Variants in SLC6A7 observed in about 807,000 individuals in gnomAD.
SLC6A7 encodes the protein solute carrier family 6 member 7.
Under a neutral mutation model 73.1 loss-of-function variants are expected in SLC6A7, and 58 were observed. That is an observed-to-expected ratio of 0.79 (90% confidence interval 0.64 to 0.99). The LOEUF is 0.99. Among genes scored for constraint, SLC6A7 ranks in the 50% least tolerant of loss-of-function variants. The probability of loss-of-function intolerance (pLI) is 0.00; values close to 1 mark genes in which losing one functional copy is unlikely to be tolerated. For synonymous variants in SLC6A7, 338 were observed against 338.7 expected (o/e 1.00, Z 0.02); for missense variants, 783 against 831.4 (o/e 0.94, Z 0.72).
chr5:150,201,336 T>C (rs1753373266), intron 6 of SLC6A7, 113 bp downstream of exon 6: 1 of 572,892 alleles, frequency 1.7e-6, no homozygotes, highest in East Asian at 3.4e-5. Context: ...CCTTCTTGCG[T>C]CTTTTTTATT....
rs1469620835 is a variant in SLC6A7, at chr5:150,190,225, G to T, written c.-103G>T. 5.0e-6 allele frequency: 5 copies of T among 1,006,726 alleles called. No individual in the cohort carries two copies. The highest frequency in any genetic ancestry group is 2.8e-6 in the Non-Finnish European group (2 of 705,278). 62.4% of individuals were successfully genotyped at this position (1,006,726 alleles called of 1,614,324 possible). ...CGTCCGTGCCCGCCCCAGCCGGTGCGCGGGAGCCGCGGGGGCAAAGGCGCA... is the reference window on the plus strand; with the variant it reads ...CGTCCGTGCCCGCCCCAGCCGGTGCTCGGGAGCCGCGGGGGCAAAGGCGCA... On this transcript the variant is annotated 5_prime_UTR_variant, in exon 1 of 14. Coordinates refer to ENST00000230671, the MANE Select transcript of SLC6A7 (RefSeq NM_014228.5).
intron 13 of SLC6A7, among the ~76,000 whole-genome samples, chr5:150,206,067 TA>T (rs1477336904): frequency 6.6e-6 from 1 of 152,136 alleles, no homozygotes; most frequent in African/African-American, 2.4e-5. Flanking sequence ...TGCCCACGCC[TA>T]GGGTTTTGGG....
At chr5:150,196,226 C>G (rs1157610103) in intron 2 of SLC6A7, among the ~76,000 whole-genome samples, 2 of 152,144 alleles carry the variant, frequency 1.3e-5, no homozygotes, top group African/African-American at 2.4e-5. Flanking sequence ...GGCAGCCCTT[C>G]CAGAGTCATA....
chr5:150,197,717 A>C (rs1431366665), intron 4 of SLC6A7, among the ~76,000 whole-genome samples: 2 of 152,204 alleles, frequency 1.3e-5, no homozygotes, highest in Non-Finnish European at 2.9e-5. Flanking sequence ...TTATCCAGTT[A>C]GTCATTTACC....
intron 1 of SLC6A7, among the ~76,000 whole-genome samples, chr5:150,193,928 G>C (rs1752896278): frequency 6.6e-6 from 1 of 152,210 alleles, no homozygotes; most frequent in African/African-American, 2.4e-5. Flanking sequence ...CCTCGGGTAT[G>C]TCATGACACC....
intron 4 of SLC6A7, among the ~76,000 whole-genome samples, 167 bp downstream of exon 4, chr5:150,197,443 G>C (rs773655788): frequency 2.6e-5 from 4 of 152,220 alleles, no homozygotes; most frequent in Non-Finnish European, 5.9e-5. Context: ...CAGCTGTGTG[G>C]CCTCAAACAA....
intron 13 of SLC6A7, among the ~76,000 whole-genome samples, chr5:150,208,784 C>T (rs1753818817): frequency 6.6e-6 from 1 of 152,158 alleles, no homozygotes; most frequent in African/African-American, 2.4e-5. Context: ...TCTGGAATCT[C>T]CAGGCTTAGT....
In SLC6A7 at chr5:150,196,814, C is replaced by G; in HGVS notation, c.316C>G (p.Leu106Val). Residue 106 changes from leucine (L) to valine (V), a missense_variant, in exon 3 of 14, where the codon CTG (leucine) becomes GTG (valine). Physicochemically the swap from Leu to Val is conservative, Grantham distance 32 (BLOSUM62 1). Coordinates refer to ENST00000230671, the MANE Select transcript of SLC6A7 (RefSeq NM_014228.5). Reference sequence around the variant, plus strand: ...GGGCCAGTTCTCCAGCCTAGGGCCCCTGGCTGTCTGGAAAATCAGCCCTCT... The same window carrying G: ...GGGCCAGTTCTCCAGCCTAGGGCCCGTGGCTGTCTGGAAAATCAGCCCTCT... ...SLGQFSSLGPLAVWKISPLFK... is the reference protein window; with the variant it reads ...SLGQFSSLGPVAVWKISPLFK... 1 of 1,614,068 alleles carries G rather than the reference C, an allele frequency of 6.2e-7. No homozygotes were observed. The highest frequency in any genetic ancestry group is 8.5e-7 in the Non-Finnish European group (1 of 1,179,946).
In SLC6A7 at chr5:150,202,382, C is replaced by T; in HGVS notation, c.894C>T (p.Ser298=). ...WIEAALQIFY[S]LGVGFGGLLT... ...AAGCTGCTCTTCAGATCTTCTATTC[C>T]CTGGGTGTGGGCTTCGGGGGGCTCC... Residue 298 remains serine, a synonymous_variant, in exon 7 of 14, where the codon TCC becomes TCT. Coordinates refer to ENST00000230671, the MANE Select transcript of SLC6A7 (RefSeq NM_014228.5). 1.9e-6 allele frequency: 3 copies of T among 1,614,134 alleles called. No homozygotes were observed. Among genetic ancestry groups the T allele is most frequent in the Non-Finnish European group, 1.7e-6 (2 of 1,179,988 alleles).
chr5:150,200,971 C>G, intron 5 of SLC6A7, 118 bp from the exon 6 acceptor site: 1 of 1,007,914 alleles, frequency 9.9e-7, no homozygotes, highest in South Asian at 1.4e-5. Context: ...GGATGAAGGC[C>G]GGTTCCTGGC....
Position 150,194,807 on chromosome 5 carries a change from G to A in SLC6A7, c.113G>A (p.Gly38Glu), listed in dbSNP as rs1353608768. The A allele has an allele frequency of 1.2e-6, 2 of 1,614,154 alleles. No homozygotes were observed. The highest frequency in any genetic ancestry group is 2.2e-5 in the South Asian group (2 of 91,082). Residue 38 changes from glycine to glutamate, a missense_variant, in exon 2 of 14, where the codon GGG (glycine) becomes GAG (glutamate). Gly to Glu is a moderately conservative substitution (Grantham distance 98, BLOSUM62 -2). Transcript: ENST00000230671. Reference protein sequence around the residue: ...DLDVDFAAHRGNWTGKLDFLL... With the variant: ...DLDVDFAAHRENWTGKLDFLL... ...GATGTGGACTTTGCTGCACACCGGG[G>A]GAACTGGACAGGCAAGCTGGACTTC... is the stretch of plus-strand genomic sequence containing the variant.
intron 2 of SLC6A7, among the ~76,000 whole-genome samples, chr5:150,195,859 A>G (rs530899845): frequency 6.6e-6 from 1 of 151,628 alleles, no homozygotes; most frequent in African/African-American, 2.4e-5. Flanking sequence ...CTCGGCAAGC[A>G]CTCTCCCCAT....
In SLC6A7 at chr5:150,197,060, T is replaced by A; in HGVS notation, c.368T>A (p.Leu123Gln). The change falls in exon 4 of 14, where the codon CTG becomes CAG. Residue 123 changes from leucine to glutamine, a missense_variant. Physicochemically the swap from Leu to Gln is moderately radical, Grantham distance 113 (BLOSUM62 -2). Transcript: ENST00000230671. ...PLFKGAGAAM[L>Q]LIVGLVAIYY... ...ACACCAGGCGCCGGCGCAGCCATGC[T>A]GCTCATCGTGGGCTTGGTGGCCATC... 1 of 1,614,038 alleles carries A rather than the reference T, an allele frequency of 6.2e-7. No homozygotes were observed. Among genetic ancestry groups the A allele is most frequent in the Middle Eastern group, 1.6e-4 (1 of 6,062 alleles).
At chr5:150,208,309 G>A (rs1392920215) in intron 13 of SLC6A7, among the ~76,000 whole-genome samples, 3 of 152,286 alleles carry the variant, frequency 2.0e-5, no homozygotes, top group Admixed American at 6.5e-5. Flanking sequence ...GATCCATGTA[G>A]GTATCTAGGG....
chr5:150,208,003 C>T (rs1253014768), intron 13 of SLC6A7, among the ~76,000 whole-genome samples: 2 of 151,712 alleles, frequency 1.3e-5, no homozygotes, highest in African/African-American at 2.4e-5. Context: ...TGCTAAACAA[C>T]CTTCCATGCG....
chr5:150,197,801 A>G (rs1753112651), intron 4 of SLC6A7, among the ~76,000 whole-genome samples: 1 of 152,182 alleles, frequency 6.6e-6, no homozygotes. Flanking sequence ...GCATAAGGCC[A>G]GGACGTACAT....
chr5:150,209,902 C>A lies in SLC6A7; in HGVS notation c.*287C>A, dbSNP rs1292145547. On this transcript the variant is annotated 3_prime_UTR_variant, in exon 14 of 14. Coordinates refer to ENST00000230671, the MANE Select transcript of SLC6A7 (RefSeq NM_014228.5). ...CATATTAAGGCCAGGAGGGGAGGGA[C>A]TTGCCCCAGGTCGCATGGCAGAGGG... 2.2e-6 allele frequency: 1 copy of A among 450,182 alleles called. No individual in the cohort carries two copies. Among genetic ancestry groups the A allele is most frequent in the Non-Finnish European group, 4.1e-6 (1 of 243,948 alleles). The allele number at this position is 450,182 out of a possible 1,614,324, so 27.9% of individuals were successfully genotyped here.
At chr5:150,196,135 C>G (rs902415122) in intron 2 of SLC6A7, among the ~76,000 whole-genome samples, 1 of 152,210 alleles carries the variant, frequency 6.6e-6, no homozygotes, top group African/African-American at 2.4e-5. Flanking sequence ...TGAACCCCCT[C>G]CTTCCAGCCC....
intron 10 of SLC6A7, 145 bp downstream of exon 10, chr5:150,204,183 C>A: frequency 1.2e-6 from 1 of 807,584 alleles, no homozygotes; most frequent in Non-Finnish European, 1.9e-6. Context: ...CCCTATCTCC[C>A]AAGGGAGGCA....
Sources: gnomAD v4.1 joint callset for allele counts (sites outside exome capture counted in the v4.1 genomes callset) on GRCh38, gnomAD v4.1.1 for gene constraint, MANE v1.5 for transcripts, NCBI Gene and HGNC (gene_info 2026-07-23, HGNC 2026-07-21) for gene names.